ADGRL4: variants seen among roughly 807,000 people sequenced by gnomAD.
ADGRL4 encodes the protein EGF, latrophilin and seven transmembrane domain containing 1.
ADGRL4 carries 90 observed loss-of-function variants against 74.8 expected under a neutral mutation model. The observed-to-expected ratio is 1.20, with a 90% confidence interval of 1.02 to 1.43. The LOEUF (loss-of-function observed/expected upper bound fraction) is 1.43. Among genes scored for constraint, ADGRL4 ranks in the 40% most tolerant of loss-of-function variants. The pLI is 0.00. For synonymous variants in ADGRL4, 311 were observed against 279.2 expected (o/e 1.11, Z -1.14); for missense variants, 881 against 814.3 (o/e 1.08, Z -1.00).
At chr1:78,947,732 A>G (rs1180936642) in intron 2 of ADGRL4, among the ~76,000 whole-genome samples, 3 of 152,184 alleles carry the variant, frequency 2.0e-5, no homozygotes, top group African/African-American at 7.2e-5. Flanking sequence ...GCAGGCAGAA[A>G]AGTGACTGGG....
At chr1:78,975,849 A>G (rs1650266541) in intron 2 of ADGRL4, among the ~76,000 whole-genome samples, 2 of 151,956 alleles carry the variant, frequency 1.3e-5, no homozygotes, top group African/African-American at 4.8e-5. Context: ...TTTTTGGTAC[A>G]GGGATCAGAT....
intron 8 of ADGRL4, among the ~76,000 whole-genome samples, chr1:78,924,475 T>C (rs1649071935): frequency 6.6e-6 from 1 of 151,872 alleles, no homozygotes. Flanking sequence ...CTGAATGTTA[T>C]GTGAAAATGA....
intron 2 of ADGRL4, among the ~76,000 whole-genome samples, chr1:78,952,083 A>G (rs1649736519): frequency 6.6e-6 from 1 of 151,896 alleles, no homozygotes; most frequent in South Asian, 2.1e-4. Context: ...GAGAAAAATA[A>G]AAAGAAAAAA....
At chr1:78,988,534 TC>T (rs1392541093) in intron 2 of ADGRL4, among the ~76,000 whole-genome samples, 1 of 151,896 alleles carries the variant, frequency 6.6e-6, no homozygotes, top group Non-Finnish European at 1.5e-5. Context: ...AATGAAGGTG[TC>T]TTGATACATT....
intron 2 of ADGRL4, among the ~76,000 whole-genome samples, chr1:78,952,870 T>C (rs1294764663): frequency 2.0e-5 from 3 of 152,174 alleles, no homozygotes; most frequent in Non-Finnish European, 4.4e-5. Context: ...AATGTCACTT[T>C]GACTATGAGT....
chr1:78,892,882 G>T (rs1055747701), intron 13 of ADGRL4, among the ~76,000 whole-genome samples: 1 of 151,798 alleles, frequency 6.6e-6, no homozygotes, highest in Non-Finnish European at 1.5e-5. Context: ...CTTTCAAAGG[G>T]GTGTATGTTT....
At chr1:78,968,117 A>G (rs947567491) in intron 2 of ADGRL4, among the ~76,000 whole-genome samples, 3 of 152,152 alleles carry the variant, frequency 2.0e-5, no homozygotes, top group South Asian at 4.1e-4. Flanking sequence ...CCAAAATTAT[A>G]TGGGATTTCT....
At chr1:78,967,774 G>T (rs757655102) in intron 2 of ADGRL4, among the ~76,000 whole-genome samples, 4 of 151,928 alleles carry the variant, frequency 2.6e-5, no homozygotes, top group Non-Finnish European at 5.9e-5. Context: ...GGCAAAATTT[G>T]TAAAAGGTTA....
chr1:78,896,102 C>T (rs1375952174), intron 12 of ADGRL4, among the ~76,000 whole-genome samples: 1 of 151,650 alleles, frequency 6.6e-6, no homozygotes, highest in Admixed American at 6.6e-5. Context: ...TGATCAGACC[C>T]AATGGTTCAT....
At chr1:78,978,843 A>T (rs1365181676) in intron 2 of ADGRL4, among the ~76,000 whole-genome samples, 1 of 152,002 alleles carries the variant, frequency 6.6e-6, no homozygotes, top group African/African-American at 2.4e-5. Flanking sequence ...ACACAAGTTA[A>T]TCTAATGCCA....
At chr1:78,942,614 TAACA>T (rs1309781918) in intron 3 of ADGRL4, among the ~76,000 whole-genome samples, 3 of 152,156 alleles carry the variant, frequency 2.0e-5, no homozygotes, top group African/African-American at 7.2e-5. Context: ...AGCATATCAT[TAACA>T]AACAATCTTA....
intron 13 of ADGRL4, among the ~76,000 whole-genome samples, chr1:78,892,779 A>G (rs1296638769): frequency 3.9e-5 from 6 of 152,070 alleles, no homozygotes; most frequent in Non-Finnish European, 5.9e-5. Context: ...TAGGGATAAC[A>G]AGAAAGAAAC....
Position 78,917,683 on chromosome 1 carries a change from TC to T in ADGRL4, c.1699del (p.Glu567LysfsTer9), listed in dbSNP as rs1385506258. The T allele has an allele frequency of 1.2e-6, 2 of 1,608,320 alleles. No individual in the cohort carries two copies. Among genetic ancestry groups the T allele is most frequent in the Admixed American group, 1.7e-5 (1 of 59,434 alleles). On this transcript the variant is annotated frameshift_variant, in exon 12 of 15. Coordinates refer to ENST00000370742, the MANE Select transcript of ADGRL4 (RefSeq NM_022159.4). LOFTEE classifies it high-confidence loss of function. ...GTTKVCWLSTENNFIWSFIGP... is the reference protein window; with the variant it reads ...GTTKVCWLSTXNNFIWSFIGP... ...TATAAAACTCCAAATAAAGTTGTTTTCGGTGCTAAGCCAACATCTGAAAAGT... is the reference window on the plus strand; with the variant it reads ...TATAAAACTCCAAATAAAGTTGTTTTGGTGCTAAGCCAACATCTGAAAAGT...
At chr1:78,903,860 T>C (rs972971038) in intron 12 of ADGRL4, among the ~76,000 whole-genome samples, 1 of 151,578 alleles carries the variant, frequency 6.6e-6, no homozygotes, top group Non-Finnish European at 1.5e-5. Flanking sequence ...CCCTTGAACC[T>C]GAGAGGTGGA....
intron 2 of ADGRL4, among the ~76,000 whole-genome samples, chr1:78,983,228 C>T (rs2100727916): frequency 6.6e-6 from 1 of 151,932 alleles, no homozygotes; most frequent in African/African-American, 2.4e-5. Flanking sequence ...TTAAGCTACA[C>T]ACACAGACAC....
rs371943817 is a variant in ADGRL4, at chr1:78,935,843, G to C, written c.877+452C>G. ...TCAAGTAAGAATATGGATATTCTGG[G>C]CCGGGCGCGGTGGCTCACGCTTGTA... On this transcript the variant is annotated intron_variant, in intron 7 of 14. Coordinates refer to ENST00000370742, the MANE Select transcript of ADGRL4 (RefSeq NM_022159.4). Among the ~76,000 whole-genome samples, 5 of 27,826 alleles carry C rather than the reference G, an allele frequency of 1.8e-4. 1 individual carries two copies. The highest frequency in any genetic ancestry group is 4.2e-4 in the Admixed American group (1 of 2,406). The allele number at this position is 27,826 out of a possible 152,430, so 18.3% of individuals were successfully genotyped here. A position where few individuals can be genotyped will look rare whatever the true frequency, so the allele number is the denominator to read the frequency against.
chr1:78,993,042 A>T (rs981530302), intron 2 of ADGRL4, among the ~76,000 whole-genome samples: 1 of 152,146 alleles, frequency 6.6e-6, no homozygotes, highest in African/African-American at 2.4e-5. Flanking sequence ...AACACTGCTT[A>T]ACAGTAGAAA....
intron 2 of ADGRL4, among the ~76,000 whole-genome samples, chr1:78,965,001 A>T (rs1277542069): frequency 7.1e-6 from 1 of 141,690 alleles, no homozygotes; most frequent in Non-Finnish European, 1.5e-5. Flanking sequence ...TTAGCAAAAA[A>T]GAGACAGTGG....
chr1:78,970,284 G>T (rs1650144271), intron 2 of ADGRL4, among the ~76,000 whole-genome samples: 1 of 152,206 alleles, frequency 6.6e-6, no homozygotes, highest in Admixed American at 6.5e-5. Flanking sequence ...GATGACAACA[G>T]ATGTTAAAAG....
Sources: allele counts gnomAD v4.1 joint callset (sites outside exome capture counted in the v4.1 genomes callset), GRCh38; gene constraint gnomAD v4.1.1; transcripts MANE v1.5; gene names NCBI Gene and HGNC (gene_info 2026-07-23, HGNC 2026-07-21).